Variants in ABCC1 observed in about 807,000 individuals in gnomAD.
ABCC1 encodes multidrug resistance-associated protein 1.
Under a neutral mutation model 172.9 loss-of-function variants are expected in ABCC1, and 83 were observed. That is an observed-to-expected ratio of 0.48 (90% CI 0.40 to 0.58). The LOEUF (loss-of-function observed/expected upper bound fraction) is 0.58, where lower values mean the gene tolerates loss of function less well. Among genes scored for constraint, ABCC1 ranks in the 20% least tolerant of loss-of-function variants. The pLI is 0.00. For synonymous variants in ABCC1, 937 were observed against 825.2 expected, an observed-to-expected ratio of 1.14 and a Z score of -2.32; for missense variants, 1,817 against 2,002.7, an observed-to-expected ratio of 0.91 and a Z score of 1.77.
At chr16:16,034,185 G>A (rs192023708) in intron 6 of ABCC1, among the ~76,000 whole-genome samples, 373 of 150,884 alleles carry the variant, frequency 2.5e-3, no homozygotes, top group Middle Eastern at 0.024. Context: ...ACTCCCCCAT[G>A]CCCAGCAGAT....
chr16:16,100,368 G>A (rs1164098338), intron 19 of ABCC1, among the ~76,000 whole-genome samples: 1 of 152,166 alleles, frequency 6.6e-6, no homozygotes, highest in Non-Finnish European at 1.5e-5. Context: ...GGAGAGCGGG[G>A]GGGCTCTCTG....
chr16:16,036,786 A>G (rs1206465481), intron 7 of ABCC1, among the ~76,000 whole-genome samples, 183 bp downstream of exon 7: 1 of 152,048 alleles, frequency 6.6e-6, no homozygotes, highest in Non-Finnish European at 1.5e-5. Context: ...AGGATCTCAC[A>G]TGTCATTAAA....
chr16:16,036,422 C>A (rs2048757861), intron 6 of ABCC1, 50 bp from the exon 7 acceptor site: 1 of 1,573,444 alleles, frequency 6.4e-7, no homozygotes, highest in East Asian at 2.3e-5. Context: ...TCCTCCCCCT[C>A]CTCCTGTCAT....
At chr16:16,106,461 G>C (rs1430412159) in intron 20 of ABCC1, 1 of 287,036 alleles carries the variant, frequency 3.5e-6, no homozygotes, top group Non-Finnish European at 6.4e-6. Context: ...CAGTTGTCAT[G>C]GGCTTTTTGC....
chr16:15,973,033 C>T (rs1053127599), intron 1 of ABCC1, among the ~76,000 whole-genome samples: 2 of 151,852 alleles, frequency 1.3e-5, no homozygotes, highest in African/African-American at 2.4e-5. Flanking sequence ...GAGTTCAAGT[C>T]GTCTGCCCAC....
At chr16:16,125,659 C>G (rs2045398727) in intron 25 of ABCC1, 151 bp from the exon 26 acceptor site, 1 of 582,228 alleles carries the variant, frequency 1.7e-6, no homozygotes, top group Non-Finnish European at 3.0e-6. Flanking sequence ...TCTCAAACCC[C>G]TGACCTCAGG....
intron 6 of ABCC1, among the ~76,000 whole-genome samples, chr16:16,034,998 G>A (rs568812673): frequency 6.6e-6 from 1 of 152,332 alleles, no homozygotes; most frequent in Admixed American, 6.5e-5. Flanking sequence ...ACGTGGCAAC[G>A]TGTTAACAAT....
intron 5 of ABCC1, among the ~76,000 whole-genome samples, chr16:16,030,689 G>A (rs945079893): frequency 2.0e-5 from 3 of 151,268 alleles, no homozygotes; most frequent in Non-Finnish European, 4.4e-5. Flanking sequence ...CTTGTTGTCC[G>A]GTGTGACAAG....
chr16:16,111,324 G>GGGGCTA (rs760071296), intron 21 of ABCC1, 51 bp from the exon 22 acceptor site: 10 of 1,543,954 alleles, frequency 6.5e-6, no homozygotes, highest in Non-Finnish European at 8.1e-6. Flanking sequence ...GGCTGGGGCT[G>GGGGCTA]GGGCTGGGTG....
chr16:15,995,767 A>C (rs1025266613), intron 1 of ABCC1, among the ~76,000 whole-genome samples: 1 of 152,110 alleles, frequency 6.6e-6, no homozygotes, highest in Non-Finnish European at 1.5e-5. Context: ...TCCTGGGCTC[A>C]AGGGATCCTC....
At chr16:16,089,309 G>A (rs2051141291) in intron 18 of ABCC1, among the ~76,000 whole-genome samples, 1 of 152,140 alleles carries the variant, frequency 6.6e-6, no homozygotes, top group South Asian at 2.1e-4. Context: ...ACTTTTGTAA[G>A]CCAAGGGCGA....
intron 7 of ABCC1, among the ~76,000 whole-genome samples, chr16:16,039,764 C>T (rs2048901311): frequency 6.6e-6 from 1 of 152,126 alleles, no homozygotes; most frequent in African/African-American, 2.4e-5. Flanking sequence ...GAGAAGGTCA[C>T]ATTTGAGCAG....
intron 20 of ABCC1, among the ~76,000 whole-genome samples, chr16:16,105,756 G>C (rs1157874242): frequency 2.0e-5 from 3 of 147,262 alleles, no homozygotes; most frequent in African/African-American, 7.6e-5. Flanking sequence ...CTGTCGCCCA[G>C]GCTGGAGTGC....
rs1165767788 is a variant in ABCC1, at chr16:16,046,142, G to C, written c.1218+129G>C. ...GAGCAGTAGGATGAGGGTAGCTTCC[G>C]TGACCTTAGGTGGCAGGGACAGCAC... On this transcript the variant is annotated intron_variant, in intron 9 of 30. Transcript: ENST00000399410. 1.1e-5 allele frequency: 11 copies of C among 995,764 alleles called. No individual in the cohort carries two copies. The South Asian group carries it at 1.7e-4, about 16-fold the overall frequency. 61.7% of individuals were successfully genotyped at this position (995,764 alleles called of 1,614,324 possible).
chr16:16,032,693 AC>A (rs2151830164), intron 5 of ABCC1, among the ~76,000 whole-genome samples: 1 of 152,326 alleles, frequency 6.6e-6, no homozygotes, highest in South Asian at 2.1e-4. Flanking sequence ...CAATAGTAAT[AC>A]CCGCTCATGA....
intron 26 of ABCC1, among the ~76,000 whole-genome samples, chr16:16,130,119 C>T (rs959555500): frequency 2.0e-5 from 3 of 152,226 alleles, no homozygotes; most frequent in Non-Finnish European, 4.4e-5. Context: ...TACCGCCCCT[C>T]TCTGTGTCTC....
chr16:16,111,525 A>T lies in ABCC1; in HGVS notation c.3022A>T (p.Thr1008Ser). 4 of 1,614,028 alleles carry T rather than the reference A, an allele frequency of 2.5e-6. No homozygotes were observed. Among genetic ancestry groups the T allele is most frequent in the Non-Finnish European group, 3.4e-6 (4 of 1,180,020 alleles). ...LWTDDPIVNG[T>S]QEHTKVRLSV... Reference sequence around the variant, plus strand: ...GACTGATGACCCCATCGTCAACGGGACTCAGGAGCACACGAAAGTCCGGCT... The same window carrying T: ...GACTGATGACCCCATCGTCAACGGGTCTCAGGAGCACACGAAAGTCCGGCT... The change falls in exon 22 of 31, where the codon ACT (threonine) becomes TCT (serine). Residue 1008 changes from threonine (T) to serine (S), a missense_variant. Coordinates refer to ENST00000399410, the MANE Select transcript of ABCC1 (RefSeq NM_004996.4).
intron 1 of ABCC1, among the ~76,000 whole-genome samples, chr16:15,990,628 C>T (rs2046839000): frequency 6.6e-6 from 1 of 151,936 alleles, no homozygotes; most frequent in Admixed American, 6.6e-5. Context: ...CAGGCGCATC[C>T]ATGTTGTTGC....
chr16:16,022,679 C>G (rs2048234128), intron 5 of ABCC1, among the ~76,000 whole-genome samples: 1 of 152,134 alleles, frequency 6.6e-6, no homozygotes, highest in Non-Finnish European at 1.5e-5. Context: ...GAAAGCTACT[C>G]AGCTCGTTTG....
Sources: gnomAD v4.1 joint callset for allele counts (sites outside exome capture counted in the v4.1 genomes callset) on GRCh38, gnomAD v4.1.1 for gene constraint, MANE v1.5 for transcripts, NCBI Gene and HGNC (gene_info 2026-07-23, HGNC 2026-07-21) for gene names.